The following IAH1 variants were observed in gnomAD, a reference collection of about 807,000 sequenced individuals.
IAH1 encodes isoamyl acetate-hydrolyzing esterase 1 homolog.
IAH1 carries 24 observed loss-of-function variants against 26.7 expected under a neutral mutation model. The ratio of observed to expected loss-of-function variants is 0.90; its 90% confidence interval spans 0.65 to 1.26. The LOEUF (loss-of-function observed/expected upper bound fraction) is 1.26. Ranked by LOEUF, IAH1 falls within the 50% of genes most tolerant of loss-of-function variation. IAH1 has a pLI of 0.00. For missense variants in IAH1, 300 were observed against 299.9 expected, an observed-to-expected ratio of 1.00 and a Z score of 0.00; for synonymous variants, 140 against 118.5, an observed-to-expected ratio of 1.18 and a Z score of -1.18.
chr2:9,498,903 TATC>T (rs1200089415), downstream of IAH1, among the ~76,000 whole-genome samples: 16 of 152,134 alleles, frequency 1.1e-4, no homozygotes, highest in African/African-American at 2.9e-4. Context: ...CTGAAAATGG[TATC>T]ATCTATCTAG....
intron 6 of IAH1, among the ~76,000 whole-genome samples, chr2:9,495,921 A>T (rs1339532291): frequency 2.7e-5 from 4 of 149,758 alleles, no homozygotes; most frequent in Admixed American, 1.3e-4. Context: ...GGTCTCAAAC[A>T]ACTCCTGAGC....
intron 2 of IAH1, among the ~76,000 whole-genome samples, chr2:9,476,890 T>C (rs184848595): frequency 8.5e-4 from 129 of 152,268 alleles, no homozygotes; most frequent in African/African-American, 2.3e-3. Flanking sequence ...TATGACGGCT[T>C]AGCTTGGGCT....
downstream of IAH1, chr2:9,493,928 A>T (rs532865144): frequency 1.9e-5 from 18 of 945,852 alleles, no homozygotes; most frequent in Admixed American, 4.3e-4. Context: ...CTTCATTAAA[A>T]TCAAACGTTT....
In IAH1 at chr2:9,474,755, C is replaced by T. The variant is rs1266358373; in HGVS notation, c.81+108C>T. The T allele has an allele frequency of 3.5e-5, 30 of 859,248 alleles. No individual in the cohort carries two copies. Among genetic ancestry groups the T allele is most frequent in the Admixed American group, 2.6e-4 (7 of 26,600 alleles). The allele number at this position is 859,248 out of a possible 1,614,324, so 53.2% of individuals were successfully genotyped here. The stretch of plus-strand genomic sequence containing the variant: ...TCTTCGGCGCCCGAGACGGCTGGGC[C>T]GGAGGCCTGGCCACGCCCGTGGAGA... On this transcript the variant is annotated intron_variant, in intron 1 of 5. Transcript: ENST00000497473. This position sits in a 1 kb window ranked among gnomAD's most constrained non-coding sequence, Gnocchi z 4.3.
intron 5 of IAH1, 85 bp downstream of exon 5, chr2:9,484,635 AGGCCCT>A (rs1440516343): frequency 2.2e-6 from 2 of 892,266 alleles, no homozygotes; most frequent in African/African-American, 3.3e-5. Flanking sequence ...TTCCCTAGAA[AGGCCCT>A]GCTTAGCTAA....
At chr2:9,486,774 G>A (rs1342081840) in intron 5 of IAH1, 2 of 151,910 alleles carry the variant, frequency 1.3e-5, no homozygotes, top group Non-Finnish European at 2.9e-5. Context: ...GGTTGAATTA[G>A]GCCGAGACTG....
At chr2:9,496,438 A>G (rs916903193) in exon 7 of IAH1, 1 of 151,680 alleles carries the variant, frequency 6.6e-6, no homozygotes, top group African/African-American at 2.5e-5. Context: ...CTCTCTGTCT[A>G]TTTTGAAAGC....
At chr2:9,483,907 C>T (rs371394190) in intron 4 of IAH1, among the ~76,000 whole-genome samples, 14 of 152,336 alleles carry the variant, frequency 9.2e-5, no homozygotes, top group African/African-American at 3.1e-4. Flanking sequence ...TGTTCAGGCA[C>T]ACCGCTATTT....
intron 4 of IAH1, 72 bp from the exon 5 acceptor site, chr2:9,484,360 G>A (rs1188271089): frequency 2.6e-6 from 3 of 1,158,972 alleles, no homozygotes; most frequent in South Asian, 1.3e-5. Context: ...GTCTAGATGA[G>A]TGGAGCAGAA....
At chr2:9,509,904 T>C in the IAH1 span, 7 of 1,554,132 alleles carry the variant, frequency 4.5e-6, no homozygotes, top group South Asian at 5.9e-5. Flanking sequence ...ATGGAATACG[T>C]TTCTGAGCTC....
chr2:9,498,197 TTTTC>T (rs144564737), downstream of IAH1, among the ~76,000 whole-genome samples: 13,592 of 152,064 alleles, frequency 0.089, 685 homozygotes, highest in African/African-American at 0.14. Flanking sequence ...ACCTGGCTAA[TTTTC>T]TTTCTTTTTT....
chr2:9,500,082 A>C (rs1237283711), downstream of IAH1, among the ~76,000 whole-genome samples: 1 of 108,380 alleles, frequency 9.2e-6, no homozygotes, highest in African/African-American at 3.2e-5. Flanking sequence ...TGTCCACACA[A>C]AAACTCATAG....
downstream of IAH1, chr2:9,491,093 A>G (rs903700740): frequency 4.3e-6 from 7 of 1,611,600 alleles, no homozygotes; most frequent in African/African-American, 2.7e-5. Flanking sequence ...TTCATATGGT[A>G]TACTTACACT....
chr2:9,474,515 C>CGCCA (rs1294686166), upstream of IAH1: 2 of 1,217,514 alleles, frequency 1.6e-6, no homozygotes, highest in African/African-American at 3.3e-5. The surrounding 1 kb of genome is among the most constrained non-coding windows in gnomAD (Gnocchi z 4.3). Flanking sequence ...GCGGCCACTG[C>CGCCA]GCAGGCGCCT....
Position 9,484,532 on chromosome 2 carries a change from C to T in IAH1, c.546C>T (p.Thr182=), listed in dbSNP as rs1661365762. 21 of 1,613,010 alleles carry T rather than the reference C, an allele frequency of 1.3e-5. No homozygotes were observed. Among genetic ancestry groups the T allele is most frequent in the Non-Finnish European group, 1.8e-5 (21 of 1,179,074 alleles). The part of the protein sequence containing the change: ...DCGTDVLDLW[T]LMQDSQDFSS... ...GGACTGACGTACTTGACCTGTGGAC[C>T]CTGATGCAGGACAGCCAGGTACGGT... The change falls in exon 5 of 6, where the codon ACC becomes ACT. Residue 182 remains threonine, a synonymous_variant. Coordinates refer to ENST00000497473, the MANE Select transcript of IAH1 (RefSeq NM_001039613.3).
chr2:9,502,325 A>AT, the IAH1 span: 1 of 1,485,360 alleles, frequency 6.7e-7, no homozygotes, highest in African/African-American at 1.4e-5. Flanking sequence ...TTATGGCCCC[A>AT]TATCAAATCA....
chr2:9,503,837 CA>C, the IAH1 span, among the ~76,000 whole-genome samples: 122 of 124,718 alleles, frequency 9.8e-4, no homozygotes, highest in Middle Eastern at 4.1e-3. Flanking sequence ...GACTCCGTCT[CA>C]AAAAAAAAAA....
intron 6 of IAH1, chr2:9,494,888 A>T: frequency 7.9e-7 from 1 of 1,267,176 alleles, no homozygotes; most frequent in Non-Finnish European, 1.1e-6. Flanking sequence ...TTTTTTATTT[A>T]AATAGCTAAT....
At chr2:9,495,946 C>T (rs1276229133) in intron 6 of IAH1, among the ~76,000 whole-genome samples, 3 of 151,066 alleles carry the variant, frequency 2.0e-5, no homozygotes, top group Non-Finnish European at 4.4e-5. Context: ...GTGATCCACC[C>T]ACCTTGGCCT....
Sources: gnomAD v4.1 joint callset for allele counts (sites outside exome capture counted in the v4.1 genomes callset) on GRCh38, gnomAD v4.1.1 for gene constraint, Gnocchi (gnomAD v3.1) non-coding constraint, MANE v1.5 for transcripts, NCBI Gene and HGNC (gene_info 2026-07-23, HGNC 2026-07-21) for gene names.